The following NOS1 variants were observed in gnomAD, a reference collection of about 807,000 sequenced individuals.
NOS1 encodes nitric oxide synthase 1.
In NOS1, 51 loss-of-function variants were observed where a neutral mutation model predicts 164.5. The ratio of observed to expected loss-of-function variants is 0.31; its 90% confidence interval spans 0.25 to 0.39. The LOEUF (loss-of-function observed/expected upper bound fraction) is 0.39, where lower values mean the gene tolerates loss of function less well. Among genes scored for constraint, NOS1 ranks in the 10% least tolerant of loss-of-function variants. The probability of loss-of-function intolerance (pLI) is 1.00; values close to 1 mark genes in which losing one functional copy is unlikely to be tolerated. For missense variants in NOS1, 1,362 were observed against 1,885.6 expected (o/e 0.72, Z 5.14); for synonymous variants, 719 against 745.8 (o/e 0.96, Z 0.59).
chr12:117,269,726 A>C (rs1176696565), intron 10 of NOS1, among the ~76,000 whole-genome samples: 1 of 152,124 alleles, frequency 6.6e-6, no homozygotes, highest in Non-Finnish European at 1.5e-5. Flanking sequence ...TCGGCCTCCC[A>C]AAGTGCTGGG....
chr12:117,279,572 A>G (rs1873464715), intron 8 of NOS1, among the ~76,000 whole-genome samples: 1 of 152,174 alleles, frequency 6.6e-6, no homozygotes, highest in Admixed American at 6.5e-5. Context: ...GTAAAATTGC[A>G]TGGTTAGGTT....
chr12:117,221,195 C>G (rs1956699781), intron 26 of NOS1, among the ~76,000 whole-genome samples: 1 of 151,376 alleles, frequency 6.6e-6, no homozygotes, highest in African/African-American at 2.4e-5. Context: ...GCTCGTTGCC[C>G]AGGCTGGAGT....
chr12:117,208,391 C>CGTGTGTGTGTGTGTGTGTGTGT lies in NOS1; in HGVS notation c.*6896_*6917dup. ...GGGGGGACGGCCGAGTTTCTGACAG[C>CGTGTGTGTGTGTGTGTGTGTGT]GTGTGTGTGTGTGTGTGTGTGTGTG... is the stretch of plus-strand genomic sequence containing the variant. On this transcript the variant is annotated 3_prime_UTR_variant, in exon 29 of 29. Transcript: ENST00000317775. The CGTGTGTGTGTGTGTGTGTGTGT allele has an allele frequency of 9.4e-3, 11,658 of 1,239,444 alleles. 425 individuals carry two copies. Among genetic ancestry groups the CGTGTGTGTGTGTGTGTGTGTGT allele is most frequent in the African/African-American group, 0.018 (1,014 of 57,170 alleles). 76.8% of individuals were successfully genotyped at this position (1,239,444 alleles called of 1,614,324 possible). A position where few individuals can be genotyped will look rare whatever the true frequency, so the allele number is the denominator to read the frequency against.
At chr12:117,251,819 C>T (rs915608132) in intron 17 of NOS1, among the ~76,000 whole-genome samples, 2 of 151,864 alleles carry the variant, frequency 1.3e-5, no homozygotes, top group African/African-American at 4.8e-5. Flanking sequence ...GTAACCTCTG[C>T]CTCCCAGGCT....
At chr12:117,220,372 C>A (rs988289080) in intron 26 of NOS1, 103 bp from the exon 27 acceptor site, 8 of 1,145,736 alleles carry the variant, frequency 7.0e-6, no homozygotes, top group Admixed American at 4.7e-5. Context: ...GGCTTGTGGG[C>A]AGGTAGGATC....
chr12:117,331,978 T>C (rs1566079980), intron 1 of NOS1, among the ~76,000 whole-genome samples: 1 of 152,216 alleles, frequency 6.6e-6, no homozygotes, highest in African/African-American at 2.4e-5. Flanking sequence ...GCCTTCCATG[T>C]ACACAATGAT....
At position 117,227,538 on chromosome 12, in the gene NOS1, G is replaced by A. The variant is rs372289883; in HGVS notation, c.3509C>T (p.Thr1170Ile). ...SIQMPATLLLTQLSLLQPRYY... is the reference protein window; with the variant it reads ...SIQMPATLLLIQLSLLQPRYY... ...GCGGGGCTGCAGCAGGGACAGCTGGGTCAGGAGCAGGGTGGCCGGCATCTG... is the reference window on the plus strand; with the variant it reads ...GCGGGGCTGCAGCAGGGACAGCTGGATCAGGAGCAGGGTGGCCGGCATCTG... Residue 1170 changes from threonine (T) to isoleucine (I), a missense_variant, in exon 23 of 29, where the codon ACC becomes ATC. Around this residue, in one of 4 missense-constraint regions of NOS1, gnomAD observed 737 missense variants for 1,030.3 expected, o/e 0.72. Coordinates refer to ENST00000317775, the MANE Select transcript of NOS1 (RefSeq NM_000620.5). 1.5e-5 allele frequency: 24 copies of A among 1,613,192 alleles called. No homozygotes were observed. The African/African-American group carries it at 2.9e-4, about 20-fold the overall frequency.
intron 28 of NOS1, 111 bp from the exon 29 acceptor site, chr12:117,215,435 TTTC>T (rs1956591467): frequency 4.6e-6 from 6 of 1,298,250 alleles, no homozygotes; most frequent in Admixed American, 6.3e-5. Context: ...GCTTTGTCTC[TTTC>T]TTTTTTTTTT....
At chr12:117,304,961 C>G in intron 3 of NOS1, 1 of 958,766 alleles carries the variant, frequency 1.0e-6, no homozygotes, top group Non-Finnish European at 1.2e-6. Context: ...AACCTGCATT[C>G]GTCCTGCTTC....
intron 5 of NOS1, 39 bp from the exon 6 acceptor site, chr12:117,286,305 C>G (rs748571910): frequency 5.0e-6 from 8 of 1,607,892 alleles, no homozygotes; most frequent in Non-Finnish European, 6.8e-6. Flanking sequence ...ATCACCCCCT[C>G]TTCTGAATTA....
In NOS1 at chr12:117,208,588, G is replaced by A. The variant is rs1007834892; in HGVS notation, c.*6721C>T. ...CGAGAACACAACAATGAAAACAGTG[G>A]CGGCAGAGCACAGGACATGGGAGGG... is the stretch of plus-strand genomic sequence containing the variant. On this transcript the variant is annotated 3_prime_UTR_variant, in exon 29 of 29. Coordinates refer to ENST00000317775, the MANE Select transcript of NOS1 (RefSeq NM_000620.5). 1.3e-5 allele frequency: 15 copies of A among 1,194,696 alleles called. No homozygotes were observed. The highest frequency in any genetic ancestry group is 1.6e-5 in the Non-Finnish European group (15 of 941,760). The allele number at this position is 1,194,696 out of a possible 1,614,324, so 74.0% of individuals were successfully genotyped here. A position where few individuals can be genotyped will look rare whatever the true frequency, so the allele number is the denominator to read the frequency against.
chr12:117,310,046 A>G (rs1874354548), intron 3 of NOS1, among the ~76,000 whole-genome samples: 1 of 152,122 alleles, frequency 6.6e-6, no homozygotes, highest in Admixed American at 6.5e-5. Context: ...GGCTGGGACA[A>G]CGGGCATGTG....
intron 22 of NOS1, among the ~76,000 whole-genome samples, chr12:117,230,013 G>A (rs1176793607): frequency 6.6e-6 from 1 of 152,192 alleles, no homozygotes. Context: ...TCGAACTCCT[G>A]GGCTCAAGTG....
intron 17 of NOS1, 115 bp downstream of exon 17, chr12:117,253,523 T>G: frequency 4.2e-6 from 3 of 719,912 alleles, no homozygotes; most frequent in Non-Finnish European, 7.2e-6. Flanking sequence ...GCTGGTTTTA[T>G]GAGAAATGAA....
At chr12:117,248,282 G>A (rs1240629765) in intron 17 of NOS1, among the ~76,000 whole-genome samples, 1 of 151,600 alleles carries the variant, frequency 6.6e-6, no homozygotes, top group African/African-American at 2.4e-5. Context: ...TGCCATGCTG[G>A]TGTGCTGCAC....
Position 117,281,519 on chromosome 12 carries a change from C to CAAAAA in NOS1, c.1383-658_1383-654dup, listed in dbSNP as rs56248436. Among the ~76,000 whole-genome samples, 382 of 50,678 alleles carry CAAAAA rather than the reference C, an allele frequency of 7.5e-3. 19 individuals carry two copies. The highest frequency in any genetic ancestry group is 0.01 in the Non-Finnish European group (322 of 31,128). 33.2% of individuals were successfully genotyped at this position (50,678 alleles called of 152,430 possible). A position where few individuals can be genotyped will look rare whatever the true frequency, so the allele number is the denominator to read the frequency against. On this transcript the variant is annotated intron_variant, in intron 7 of 28. Coordinates refer to ENST00000317775, the MANE Select transcript of NOS1 (RefSeq NM_000620.5). ...TGGGCGACAGAGCGAGACTCCATCT[C>CAAAAA]AAAAAAAAAAAAAAAAAAAAAGGAA... is the stretch of plus-strand genomic sequence containing the variant.
chr12:117,302,023 G>T (rs1425151175), intron 3 of NOS1: 1 of 456,692 alleles, frequency 2.2e-6, no homozygotes, highest in Non-Finnish European at 4.4e-6. Flanking sequence ...TACTGGTTAT[G>T]TGACCCTCGT....
intron 9 of NOS1, among the ~76,000 whole-genome samples, chr12:117,275,202 TA>T (rs199732402): frequency 4.0e-5 from 6 of 149,654 alleles, no homozygotes; most frequent in African/African-American, 9.8e-5. Context: ...AAGTAATAAT[TA>T]AAAAAAAACT....
intron 9 of NOS1, among the ~76,000 whole-genome samples, chr12:117,273,853 G>A (rs945238413): frequency 3.3e-5 from 5 of 151,928 alleles, no homozygotes; most frequent in Non-Finnish European, 7.4e-5. Flanking sequence ...AATTAACTTT[G>A]AGACCAGAAA....
Sources: allele counts gnomAD v4.1 joint callset (sites outside exome capture counted in the v4.1 genomes callset), GRCh38; gene constraint gnomAD v4.1.1; regional missense constraint gnomAD v4.1.1; transcripts MANE v1.5; gene names NCBI Gene and HGNC (gene_info 2026-07-23, HGNC 2026-07-21).